The following CNTN1 variants were observed in gnomAD, a reference collection of about 807,000 sequenced individuals.
The protein encoded by CNTN1 is contactin-1.
Under a neutral mutation model 126.4 loss-of-function variants are expected in CNTN1, and 38 were observed. That is an observed-to-expected ratio of 0.30 (90% confidence interval 0.23 to 0.39). The LOEUF (loss-of-function observed/expected upper bound fraction) is 0.39. Among genes scored for constraint, CNTN1 ranks in the 10% least tolerant of loss-of-function variants. The pLI is 1.00. For synonymous variants in CNTN1, 413 were observed against 422.6 expected, an observed-to-expected ratio of 0.98 and a Z score of 0.28; for missense variants, 1,009 against 1,248.4, an observed-to-expected ratio of 0.81 and a Z score of 2.89.
chr12:40,995,504 T>G (rs530554617), intron 17 of CNTN1, among the ~76,000 whole-genome samples: 5 of 152,302 alleles, frequency 3.3e-5, no homozygotes, highest in African/African-American at 9.6e-5. Context: ...AATAGAGTAT[T>G]TCCTGCTCTA....
intron 17 of CNTN1, among the ~76,000 whole-genome samples, chr12:40,996,791 A>T (rs1841700522): frequency 2.0e-5 from 3 of 152,214 alleles, no homozygotes; most frequent in African/African-American, 7.2e-5. Context: ...TGCTTTATTA[A>T]AATTGAATAT....
intron 7 of CNTN1, 75 bp from the exon 8 acceptor site, chr12:40,933,386 T>C: frequency 4.8e-6 from 5 of 1,041,268 alleles, no homozygotes; most frequent in South Asian, 1.3e-5. Context: ...TCTAATCCTG[T>C]AGAATTACCA....
At chr12:40,839,821 G>C (rs1200954382) in intron 1 of CNTN1, among the ~76,000 whole-genome samples, 1 of 152,094 alleles carries the variant, frequency 6.6e-6, no homozygotes, top group South Asian at 2.1e-4. Flanking sequence ...ACAAGTAAAA[G>C]TGTAAAATCA....
Position 40,867,550 on chromosome 12 carries a change from C to T in CNTN1, c.-76-40807C>T, listed in dbSNP as rs76517356. ...GAGGTAACGCATATATTAATTAGCT[C>T]AGTTGAACCATTCCACAGTGTATAC... On this transcript the variant is annotated intron_variant, in intron 1 of 23. Transcript: ENST00000551295. Among the ~76,000 whole-genome samples, 1,171 of 152,248 alleles carry T rather than the reference C, an allele frequency of 7.7e-3. 14 individuals carry two copies. The highest frequency in any genetic ancestry group is 0.027 in the African/African-American group (1,113 of 41,552).
rs145552677 is a variant in CNTN1, at chr12:40,818,819, G to T, written c.-76-89538G>T. ...CATCTTTGTGAGTTTGTCTAGTTTT[G>T]GTATTTGAGGCTGCTGACCTTTGGA... On this transcript the variant is annotated intron_variant, in intron 1 of 23. Coordinates refer to ENST00000551295, the MANE Select transcript of CNTN1 (RefSeq NM_001843.4). 4.6e-5 allele frequency among the ~76,000 whole-genome samples: 7 copies of T among 152,146 alleles called. No individual in the cohort carries two copies. The East Asian group carries it at 1.2e-3, about 25-fold the overall frequency.
At chr12:41,042,464 G>T (rs1949437810) in intron 23 of CNTN1, among the ~76,000 whole-genome samples, 1 of 151,966 alleles carries the variant, frequency 6.6e-6, no homozygotes, top group East Asian at 1.9e-4. Context: ...TCAATTCCTG[G>T]GTATCCTTGT....
chr12:40,888,116 TAACA>T (rs1342426680), intron 1 of CNTN1, among the ~76,000 whole-genome samples: 1 of 151,962 alleles, frequency 6.6e-6, no homozygotes, highest in African/African-American at 2.4e-5. Context: ...TATACATATG[TAACA>T]AACCTGCACA....
At chr12:40,746,737 G>A (rs917284544) in intron 1 of CNTN1, among the ~76,000 whole-genome samples, 1 of 152,042 alleles carries the variant, frequency 6.6e-6, no homozygotes, top group African/African-American at 2.4e-5. Context: ...GTGTAGGCAC[G>A]TTCACATGAA....
At position 40,918,757 on chromosome 12, in the gene CNTN1, T is replaced by A. The variant is rs751410849; in HGVS notation, c.213T>A (p.Pro71=). 9.9e-6 allele frequency: 16 copies of A among 1,613,582 alleles called. No homozygotes were observed. Among genetic ancestry groups the A allele is most frequent in the Non-Finnish European group, 1.4e-5 (16 of 1,179,660 alleles). Residue 71 remains proline (P), a synonymous_variant, in exon 4 of 24, where the codon CCT becomes CCA. Coordinates refer to ENST00000551295, the MANE Select transcript of CNTN1 (RefSeq NM_001843.4). ...TCAACTGTAGGGCACGAGCCAGCCC[T>A]TTCCCGGTTTACAAGTAATGTACCT... ...VSLNCRARAS[P]FPVYKWRMNN...
At chr12:40,869,954 G>A (rs1943429817) in intron 1 of CNTN1, among the ~76,000 whole-genome samples, 1 of 152,102 alleles carries the variant, frequency 6.6e-6, no homozygotes, top group African/African-American at 2.4e-5. Flanking sequence ...ACGTGTTGTG[G>A]GAGGAACCTG....
intron 1 of CNTN1, among the ~76,000 whole-genome samples, chr12:40,835,962 T>G (rs1307763806): frequency 6.7e-6 from 1 of 149,304 alleles, no homozygotes; most frequent in Non-Finnish European, 1.5e-5. Context: ...GAGTTTATAT[T>G]TTGGTGGATG....
Position 41,053,428 on chromosome 12 carries a change from A to ATAT in CNTN1, c.2981-16531_2981-16530insTAT, listed in dbSNP as rs1949730499. 3.4e-4 allele frequency among the ~76,000 whole-genome samples: 22 copies of ATAT among 64,110 alleles called. 1 individual carries two copies. The highest frequency in any genetic ancestry group is 1.6e-3 in the African/African-American group (21 of 13,270). 42.1% of individuals were successfully genotyped at this position (64,110 alleles called of 152,430 possible). ...TTTTGTCTCTTTCATGTTTTCACTA[A>ATAT]ATATATATATATATATATATATATA... On this transcript the variant is annotated intron_variant, in intron 23 of 23. Transcript: ENST00000551295.
intron 1 of CNTN1, among the ~76,000 whole-genome samples, chr12:40,741,685 C>T (rs1302955738): frequency 6.6e-6 from 1 of 152,016 alleles, no homozygotes; most frequent in East Asian, 1.9e-4. Flanking sequence ...TGAGTTACCA[C>T]TAGTAAATGC....
At position 40,699,541 on chromosome 12, in the gene CNTN1, A is replaced by G. The variant is rs75262068; in HGVS notation, c.-77+6949A>G. 1.5e-3 allele frequency among the ~76,000 whole-genome samples: 230 copies of G among 152,334 alleles called. 2 individuals carry two copies. Among genetic ancestry groups the G allele is most frequent in the East Asian group, 0.014 (73 of 5,184 alleles). ...ATTCTGCATTTTAAAAGGAAAGAGG[A>G]ATGCATAGTTACATGGATAATGTCG... is the stretch of plus-strand genomic sequence containing the variant. On this transcript the variant is annotated intron_variant, in intron 1 of 23. Transcript: ENST00000551295.
At chr12:40,926,221 A>ATAGATAGT (rs1346464892) in intron 6 of CNTN1, among the ~76,000 whole-genome samples, 17 of 151,908 alleles carry the variant, frequency 1.1e-4, no homozygotes, top group African/African-American at 4.1e-4. Context: ...AGATAGATAG[A>ATAGATAGT]TATAATGCAG....
intron 1 of CNTN1, among the ~76,000 whole-genome samples, chr12:40,698,877 A>T (rs1941522990): frequency 6.6e-6 from 1 of 152,170 alleles, no homozygotes; most frequent in African/African-American, 2.4e-5. Context: ...ATGTCAATCA[A>T]CTGAACGGTT....
chr12:40,811,950 T>C (rs1474082533), intron 1 of CNTN1, among the ~76,000 whole-genome samples: 3 of 152,030 alleles, frequency 2.0e-5, no homozygotes, highest in Non-Finnish European at 2.9e-5. Context: ...TAGTTTGTTC[T>C]TCTTTTTCTC....
chr12:41,036,552 A>G (rs1949270768), intron 23 of CNTN1, among the ~76,000 whole-genome samples: 1 of 152,062 alleles, frequency 6.6e-6, no homozygotes, highest in Non-Finnish European at 1.5e-5. Context: ...TTAAAATTAT[A>G]GAACAAAAGC....
intron 1 of CNTN1, among the ~76,000 whole-genome samples, chr12:40,717,935 A>G (rs748958460): frequency 5.3e-5 from 8 of 152,234 alleles, no homozygotes; most frequent in Admixed American, 2.6e-4. Context: ...AATAGGTTAT[A>G]TATTTTGTCT....
Sources: allele counts gnomAD v4.1 joint callset (sites outside exome capture counted in the v4.1 genomes callset), GRCh38; gene constraint gnomAD v4.1.1; transcripts MANE v1.5; gene names NCBI Gene and HGNC (gene_info 2026-07-23, HGNC 2026-07-21).